TNS1: variants seen among roughly 807,000 people sequenced by gnomAD.
The protein encoded by TNS1 is tensin 1, also known as tensin-1.
In TNS1, 62 loss-of-function variants were observed where a neutral mutation model predicts 168.6. That is an observed-to-expected ratio of 0.37 (90% CI 0.30 to 0.45). The LOEUF is 0.45. Among genes scored for constraint, TNS1 ranks in the 20% least tolerant of loss-of-function variants. TNS1 has a pLI of 1.00. For synonymous variants in TNS1, 934 were observed against 933.2 expected, an observed-to-expected ratio of 1.00 and a Z score of -0.02; for missense variants, 2,240 against 2,339.4, an observed-to-expected ratio of 0.96 and a Z score of 0.88.
At chr2:217,966,488 G>A (rs1055296984) in intron 3 of TNS1, among the ~76,000 whole-genome samples, 4 of 152,172 alleles carry the variant, frequency 2.6e-5, no homozygotes, top group African/African-American at 9.7e-5. Flanking sequence ...GACACCAGGG[G>A]AAGCAGTAAC....
chr2:217,881,043 T>A, intron 17 of TNS1, 29 bp from the exon 18 acceptor site: 2 of 1,506,936 alleles, frequency 1.3e-6, no homozygotes, highest in Non-Finnish European at 1.8e-6. Flanking sequence ...GCAGCGGCAG[T>A]CGGGGAGACA....
At chr2:217,901,980 T>C (rs1383486735) in intron 6 of TNS1, 1 of 150,862 alleles carries the variant, frequency 6.6e-6, no homozygotes, top group South Asian at 2.1e-4. Flanking sequence ...TCCTCAGCAG[T>C]GAAGGAGGGA....
chr2:218,017,722 C>T (rs1290093398), intron 1 of TNS1, among the ~76,000 whole-genome samples: 2 of 152,270 alleles, frequency 1.3e-5, no homozygotes, highest in South Asian at 2.1e-4. Context: ...TTCCTAACCT[C>T]ATGGAGTAAT....
At chr2:217,868,342 G>A (rs1949471845) in intron 18 of TNS1, among the ~76,000 whole-genome samples, 1 of 152,246 alleles carries the variant, frequency 6.6e-6, no homozygotes, top group African/African-American at 2.4e-5. Context: ...GGACCCCTGA[G>A]CAGAGGAAGT....
At chr2:217,877,704 T>A (rs1242079394) in intron 18 of TNS1, among the ~76,000 whole-genome samples, 1 of 152,170 alleles carries the variant, frequency 6.6e-6, no homozygotes, top group Non-Finnish European at 1.5e-5. Flanking sequence ...AGGAAAGGGT[T>A]AAATGCAGAG....
intron 1 of TNS1, among the ~76,000 whole-genome samples, chr2:218,027,641 G>A (rs551641725): frequency 2.6e-5 from 4 of 152,236 alleles, no homozygotes; most frequent in Admixed American, 2.6e-4. Context: ...TCTGCCTCCC[G>A]CACTGACTTC....
At chr2:217,983,504 T>C (rs556629759) in intron 2 of TNS1, among the ~76,000 whole-genome samples, 50 of 152,278 alleles carry the variant, frequency 3.3e-4, no homozygotes, top group Non-Finnish European at 4.0e-4. Flanking sequence ...ATTACTCTGC[T>C]GGGGTGAAGA....
upstream of TNS1, among the ~76,000 whole-genome samples, chr2:218,010,766 C>A (rs1028130127): frequency 2.6e-5 from 4 of 152,136 alleles, no homozygotes; most frequent in Non-Finnish European, 2.9e-5. Flanking sequence ...AATGCGGATT[C>A]CCTCCAGAGC....
At chr2:217,898,215 C>T (rs1010914609) in intron 7 of TNS1, among the ~76,000 whole-genome samples, 10 of 152,254 alleles carry the variant, frequency 6.6e-5, no homozygotes, top group African/African-American at 2.4e-4. Flanking sequence ...CAGAACCAAA[C>T]TGTGATGACA....
rs182037048 is a variant in TNS1 at position 217,825,219 on chromosome 2, C to T, written c.3374-3281G>A. Among the ~76,000 whole-genome samples, 6 of 152,294 alleles carry T rather than the reference C, an allele frequency of 3.9e-5. No homozygotes were observed. In the South Asian group the frequency reaches 8.3e-4, roughly 21 times the overall value. ...ATCCAGACCCCCTTAGTCTCTGGCT[C>T]AGGATAGCTTTGGCCTTTGGCTAGT... On this transcript the variant is annotated intron_variant, in intron 22 of 32. Coordinates refer to ENST00000682258, the MANE Select transcript of TNS1 (RefSeq NM_001387777.1).
chr2:217,855,556 A>ATCTC (rs3838562), intron 18 of TNS1, among the ~76,000 whole-genome samples: 65 of 147,558 alleles, frequency 4.4e-4, no homozygotes, highest in African/African-American at 1.2e-3. Context: ...AAGAGCCTTT[A>ATCTC]TCTCTCTCTC....
At chr2:217,902,256 T>C (rs1167433512) in intron 6 of TNS1, among the ~76,000 whole-genome samples, 2 of 152,142 alleles carry the variant, frequency 1.3e-5, no homozygotes, top group African/African-American at 4.8e-5. Context: ...CCCCAGGCCC[T>C]AGGCCCTGCT....
intron 2 of TNS1, among the ~76,000 whole-genome samples, chr2:217,987,365 G>A (rs1457284133): frequency 1.3e-5 from 2 of 152,096 alleles, no homozygotes; most frequent in Admixed American, 6.5e-5. Flanking sequence ...CATCTATGAC[G>A]CCCGCATGTC....
intron 6 of TNS1, chr2:217,905,336 C>T (rs1227907370): frequency 2.3e-6 from 1 of 442,388 alleles, no homozygotes; most frequent in Non-Finnish European, 4.6e-6. Flanking sequence ...AGGCATGCTC[C>T]CTGCTCCACC....
At position 217,847,856 on chromosome 2, in the gene TNS1, G is replaced by T; in HGVS notation, c.2661C>A (p.Ser887=). ...GCCCACTGGGGATATAGCCAGATCT[G>T]GACTGGGTCAGTGGATGGGACTGAC... The part of the protein sequence containing the change: ...SSRQSHPLTQ[S]RSGYIPSGHS... The change falls in exon 19 of 33, where the codon TCC becomes TCA. Residue 887 remains serine, a synonymous_variant. Coordinates refer to ENST00000682258, the MANE Select transcript of TNS1 (RefSeq NM_001387777.1). The T allele has an allele frequency of 6.3e-7, 1 of 1,583,210 alleles. No homozygotes were observed. The highest frequency in any genetic ancestry group is 1.1e-5 in the South Asian group (1 of 89,290).
chr2:217,919,553 C>A (rs999304612), intron 4 of TNS1, among the ~76,000 whole-genome samples: 1 of 152,180 alleles, frequency 6.6e-6, no homozygotes, highest in African/African-American at 2.4e-5. Flanking sequence ...GAGAAGGTGG[C>A]GAGAGGCAGG....
intron 18 of TNS1, among the ~76,000 whole-genome samples, chr2:217,849,339 G>A (rs1157098305): frequency 1.3e-5 from 2 of 152,188 alleles, no homozygotes; most frequent in Non-Finnish European, 2.9e-5. Flanking sequence ...AGGAAGTGCT[G>A]GGGGCAAATC....
At chr2:218,018,407 G>C (rs1958780891) in intron 1 of TNS1, among the ~76,000 whole-genome samples, 1 of 152,178 alleles carries the variant, frequency 6.6e-6, no homozygotes, top group Non-Finnish European at 1.5e-5. Flanking sequence ...AAGAAAACAG[G>C]CTGGCCCTGC....
intron 27 of TNS1, 66 bp from the exon 28 acceptor site, chr2:217,812,511 C>T: frequency 7.5e-7 from 1 of 1,332,068 alleles, no homozygotes; most frequent in Non-Finnish European, 1.1e-6. Context: ...ACCTCCACCT[C>T]TACCCTTACA....
Sources: allele counts gnomAD v4.1 joint callset (sites outside exome capture counted in the v4.1 genomes callset), GRCh38; gene constraint gnomAD v4.1.1; transcripts MANE v1.5; gene names NCBI Gene and HGNC (gene_info 2026-07-23, HGNC 2026-07-21).